The following MS4A8 variants were observed in gnomAD, a reference collection of about 807,000 sequenced individuals.
MS4A8 encodes membrane spanning 4-domains A8.
A neutral mutation model predicts 23.7 loss-of-function variants in MS4A8; 27 were observed. That is an observed-to-expected ratio of 1.14 (90% CI 0.84 to 1.57). The LOEUF is 1.57. Ranked by LOEUF, MS4A8 falls within the 40% of genes most tolerant of loss-of-function variation. The pLI, the probability that MS4A8 is intolerant of heterozygous loss-of-function variation, is 0.00. For synonymous variants in MS4A8, 138 were observed against 126.3 expected (o/e 1.09, Z -0.62); for missense variants, 301 against 311.4 (o/e 0.97, Z 0.25).
Position 60,701,078 on chromosome 11 carries a change from G to A in MS4A8, c.218G>A (p.Gly73Glu), listed in dbSNP as rs775413798. The A allele has an allele frequency of 3.7e-6, 6 of 1,613,856 alleles. 1 individual carries two copies. The South Asian group carries it at 5.5e-5, about 15-fold the overall frequency. The change falls in exon 2 of 7, where the codon GGG (glycine) becomes GAG (glutamate). Residue 73 changes from glycine to glutamate, a missense_variant and splice_region_variant. Gly to Glu is a moderately conservative substitution (Grantham distance 98). Transcript: ENST00000300226. ...QKALKEGKTLGAIQIIIGLAH... is the reference protein window; with the variant it reads ...QKALKEGKTLEAIQIIIGLAH... ...GCTCTGAAAGAAGGCAAAACCTTGGGGGTAAGTGAGATTTCCCTTTGCAGG... is the reference window on the plus strand; with the variant it reads ...GCTCTGAAAGAAGGCAAAACCTTGGAGGTAAGTGAGATTTCCCTTTGCAGG...
intron 5 of MS4A8, chr11:60,711,949 TAATGACCC>T (rs2088304116): frequency 2.6e-6 from 1 of 383,160 alleles, no homozygotes; most frequent in Admixed American, 3.1e-5. Context: ...GCTTTGCAAA[TAATGACCC>T]AAGGAATGGA....
chr11:60,703,552 C>A, intron 3 of MS4A8, 52 bp downstream of exon 3: 1 of 1,590,988 alleles, frequency 6.3e-7, no homozygotes. Flanking sequence ...TGCCAAGGCA[C>A]TCAAGGCCAC....
intron 5 of MS4A8, among the ~76,000 whole-genome samples, chr11:60,713,986 G>A (rs897874998): frequency 4.2e-5 from 6 of 142,236 alleles, no homozygotes; most frequent in Admixed American, 2.1e-4. Flanking sequence ...CTGCAGTGGC[G>A]CAATCTCGGC....
intron 5 of MS4A8, among the ~76,000 whole-genome samples, chr11:60,711,393 C>T (rs368044814): frequency 3.0e-4 from 46 of 152,308 alleles, no homozygotes; most frequent in African/African-American, 9.9e-4. Flanking sequence ...TGGACCAAGT[C>T]CATGTCATTT....
chr11:60,715,661 T>C lies in MS4A8; in HGVS notation c.*247T>C, dbSNP rs529969009. 2.0e-5 allele frequency: 10 copies of C among 487,862 alleles called. No individual in the cohort carries two copies. Among genetic ancestry groups the C allele is most frequent in the Non-Finnish European group, 3.7e-5 (10 of 271,020 alleles). 30.2% of individuals were successfully genotyped at this position (487,862 alleles called of 1,614,324 possible). On this transcript the variant is annotated 3_prime_UTR_variant, in exon 7 of 7. Transcript: ENST00000300226. The stretch of plus-strand genomic sequence containing the variant: ...CCTAGGGCACATGCATCAGCACATA[T>C]GTGGGCATCCAGCCTCTGGGGCCTT...
chr11:60,715,333 C>A lies in MS4A8; in HGVS notation c.672C>A (p.Ile224=). The A allele has an allele frequency of 1.2e-6, 2 of 1,614,066 alleles. No individual in the cohort carries two copies. The highest frequency in any genetic ancestry group is 1.7e-6 in the Non-Finnish European group (2 of 1,180,000). Residue 224 remains isoleucine (I), a synonymous_variant, in exon 7 of 7, where the codon ATC becomes ATA. Transcript: ENST00000300226. ...SSNVSVIYPN[I]YAANPVITPE... ...AGGTGAGTGTCATCTATCCAAACATCTATGCAGCAAACCCAGTGATCACCC... is the reference window on the plus strand; with the variant it reads ...AGGTGAGTGTCATCTATCCAAACATATATGCAGCAAACCCAGTGATCACCC...
At chr11:60,704,859 A>C (rs111523940) in intron 3 of MS4A8, among the ~76,000 whole-genome samples, 2,357 of 82,834 alleles carry the variant, frequency 0.028, 65 homozygotes, top group African/African-American at 0.1. Flanking sequence ...CATACAAACA[A>C]ACACACATAC....
chr11:60,714,743 T>A (rs2088327625), intron 5 of MS4A8, among the ~76,000 whole-genome samples: 1 of 152,058 alleles, frequency 6.6e-6, no homozygotes. Flanking sequence ...GAGCACACCC[T>A]CAGGTCTCCA....
chr11:60,704,081 T>C (rs1406661520), intron 3 of MS4A8, among the ~76,000 whole-genome samples: 2 of 151,462 alleles, frequency 1.3e-5, no homozygotes, highest in Non-Finnish European at 2.9e-5. Flanking sequence ...CCCCGCAAGG[T>C]GACATCCCCT....
At chr11:60,705,763 G>A (rs1367154523) in intron 3 of MS4A8, among the ~76,000 whole-genome samples, 1 of 152,242 alleles carries the variant, frequency 6.6e-6, no homozygotes, top group African/African-American at 2.4e-5. Flanking sequence ...GTGGGAGGGA[G>A]TATGGAGTGA....
chr11:60,708,554 A>T, intron 4 of MS4A8, 96 bp from the exon 5 acceptor site: 2 of 1,312,558 alleles, frequency 1.5e-6, no homozygotes, highest in Middle Eastern at 2.3e-4. Context: ...ACACAATTTT[A>T]GAAATTGGGG....
chr11:60,709,606 A>T (rs1160090919), intron 5 of MS4A8, among the ~76,000 whole-genome samples: 1 of 152,230 alleles, frequency 6.6e-6, no homozygotes, highest in Non-Finnish European at 1.5e-5. Flanking sequence ...TTTAAAAGCC[A>T]CATGGGAATT....
At chr11:60,714,683 C>G (rs1366593805) in intron 5 of MS4A8, among the ~76,000 whole-genome samples, 1 of 152,026 alleles carries the variant, frequency 6.6e-6, no homozygotes, top group South Asian at 2.1e-4. Flanking sequence ...CCTCCAATTC[C>G]TACCGACGGC....
rs567451277 is a variant in MS4A8, at chr11:60,708,680, A to G, written c.433A>G (p.Ser145Gly). 1.9e-6 allele frequency: 3 copies of G among 1,572,334 alleles called. No individual in the cohort carries two copies. The highest frequency in any genetic ancestry group is 2.4e-5 in the South Asian group (2 of 83,618). Residue 145 changes from serine to glycine, a missense_variant, in exon 5 of 7, where the codon AGT (serine) becomes GGT (glycine). Transcript: ENST00000300226. ...LSGSLGLNIVSAICSAVGVIL... is the reference protein window; with the variant it reads ...LSGSLGLNIVGAICSAVGVIL... The stretch of plus-strand genomic sequence containing the variant: ...TGGCAGTTTGGGCTTGAACATCGTC[A>G]GTGCAATCTGCTCTGCAGTTGGAGT...
intron 5 of MS4A8, chr11:60,712,304 A>T: frequency 1.0e-6 from 1 of 984,430 alleles, no homozygotes; most frequent in South Asian, 4.7e-5. Context: ...AATTATAATT[A>T]TCATCTGCAT....
intron 5 of MS4A8, chr11:60,711,686 G>A: frequency 2.5e-6 from 1 of 395,370 alleles, no homozygotes; most frequent in South Asian, 1.9e-5. Context: ...AAGAAATTAA[G>A]AAGCAAATGC....
At chr11:60,706,010 G>T (rs1408808389) in intron 3 of MS4A8, among the ~76,000 whole-genome samples, 1 of 152,210 alleles carries the variant, frequency 6.6e-6, no homozygotes, top group Non-Finnish European at 1.5e-5. Flanking sequence ...CTGTTGGGGG[G>T]AGGGCGGTGA....
At chr11:60,701,131 C>T in intron 2 of MS4A8, 52 bp downstream of exon 2, 1 of 1,538,240 alleles carries the variant, frequency 6.5e-7, no homozygotes, top group Non-Finnish European at 9.0e-7. Context: ...GGAGTGATGG[C>T]AGGGGGAAGG....
intron 3 of MS4A8, among the ~76,000 whole-genome samples, chr11:60,705,107 G>A (rs1244749822): frequency 1.3e-5 from 2 of 152,056 alleles, no homozygotes; most frequent in African/African-American, 2.4e-5. Context: ...CTCCATCCCC[G>A]ACAGCCACAC....
Sources: gnomAD v4.1 joint callset for allele counts (sites outside exome capture counted in the v4.1 genomes callset) on GRCh38, gnomAD v4.1.1 for gene constraint, MANE v1.5 for transcripts, NCBI Gene and HGNC (gene_info 2026-07-23, HGNC 2026-07-21) for gene names.